APP: variants seen among roughly 807,000 people sequenced by gnomAD.
APP encodes the protein amyloid beta precursor protein, also known as amyloid-beta precursor protein.
Under a neutral mutation model 101.4 loss-of-function variants are expected in APP, and 31 were observed. That is an observed-to-expected ratio of 0.31 (90% CI 0.23 to 0.41). The LOEUF (loss-of-function observed/expected upper bound fraction) is 0.41, where lower values mean the gene tolerates loss of function less well. APP is among the 10% of genes least tolerant of loss of function. APP has a pLI of 1.00. For missense variants in APP, 839 were observed against 1,003.7 expected, an observed-to-expected ratio of 0.84 and a Z score of 2.22; for synonymous variants, 366 against 364.4, an observed-to-expected ratio of 1.00 and a Z score of -0.05.
chr21:26,090,095 T>A, intron 2 of APP, 23 bp from the exon 3 acceptor site: 1 of 1,613,726 alleles, frequency 6.2e-7, no homozygotes, highest in Non-Finnish European at 8.5e-7. Context: ...ACAAAAAGAA[T>A]CAATTGTTAC....
At chr21:26,098,436 A>T (rs1198525629) in intron 2 of APP, among the ~76,000 whole-genome samples, 3 of 152,168 alleles carry the variant, frequency 2.0e-5, no homozygotes, top group African/African-American at 7.2e-5. Flanking sequence ...AGCCAAGAAG[A>T]GAAATGTATA....
intron 6 of APP, among the ~76,000 whole-genome samples, chr21:26,009,240 C>T (rs1219930792): frequency 6.6e-6 from 1 of 152,160 alleles, no homozygotes; most frequent in Non-Finnish European, 1.5e-5. Context: ...AAGACAGATA[C>T]AACAAAATTA....
chr21:26,168,966 T>C (rs1405826377), intron 1 of APP, among the ~76,000 whole-genome samples: 2 of 152,122 alleles, frequency 1.3e-5, no homozygotes, highest in East Asian at 1.9e-4. Context: ...TGCCCGGAAA[T>C]TGCTTTTTTT....
At chr21:26,111,896 G>A in intron 2 of APP, 83 bp downstream of exon 2, 1 of 1,457,970 alleles carries the variant, frequency 6.9e-7, no homozygotes, top group Non-Finnish European at 9.6e-7. Context: ...TTAAAATACT[G>A]ATGCAAAATA....
chr21:25,900,984 T>G (rs1395408078), intron 15 of APP, among the ~76,000 whole-genome samples: 1 of 23,830 alleles, frequency 4.2e-5, no homozygotes, highest in African/African-American at 2.3e-4. Context: ...TGAGACTCCA[T>G]CTCAAAAAAA....
At chr21:26,161,892 T>G (rs960439804) in intron 1 of APP, among the ~76,000 whole-genome samples, 12 of 152,144 alleles carry the variant, frequency 7.9e-5, no homozygotes, top group African/African-American at 2.7e-4. Flanking sequence ...TTTTAAAGGC[T>G]TAATCTTTGA....
chr21:25,992,109 G>A (rs539414277), intron 8 of APP, among the ~76,000 whole-genome samples: 21 of 152,348 alleles, frequency 1.4e-4, no homozygotes, highest in Middle Eastern at 3.4e-3. Flanking sequence ...TAGGCCAAGC[G>A]TGGTGGCTCA....
chr21:25,941,303 C>G (rs1197979674), intron 13 of APP: 2 of 152,166 alleles, frequency 1.3e-5, no homozygotes, highest in Non-Finnish European at 2.9e-5. Flanking sequence ...TTTTGTCTGT[C>G]TCAGGTTATT....
At chr21:26,021,045 T>C (rs915681632) in intron 6 of APP, among the ~76,000 whole-genome samples, 4 of 124,728 alleles carry the variant, frequency 3.2e-5, no homozygotes, top group African/African-American at 1.2e-4. Context: ...ACTCACCAAA[T>C]CTTTTTTTTT....
intron 5 of APP, among the ~76,000 whole-genome samples, chr21:26,026,152 T>C (rs776650683): frequency 2.0e-5 from 3 of 152,208 alleles, no homozygotes; most frequent in Non-Finnish European, 2.9e-5. Flanking sequence ...ACAATTTCCT[T>C]ACAAACAATC....
At position 26,089,935 on chromosome 21, in the gene APP, C is replaced by A. The variant is rs373981310; in HGVS notation, c.355+8G>T. The A allele has an allele frequency of 5.6e-6, 9 of 1,613,808 alleles. No individual in the cohort carries two copies. Among genetic ancestry groups the A allele is most frequent in the Middle Eastern group, 1.6e-4 (1 of 6,082 alleles). On this transcript the variant is annotated splice_region_variant and intron_variant, in intron 3 of 17. Coordinates refer to ENST00000346798, the MANE Select transcript of APP (RefSeq NM_000484.4). ...AATCAACACCAGCCCCACGGCCGGC[C>A]GGCTCACCTAAGCAGCGGTAGGGAA...
chr21:26,067,779 G>A (rs1311680236), intron 3 of APP, among the ~76,000 whole-genome samples: 1 of 152,066 alleles, frequency 6.6e-6, no homozygotes, highest in Non-Finnish European at 1.5e-5. Context: ...GCTTAGTTCA[G>A]TCCTCTGTAT....
intron 16 of APP, among the ~76,000 whole-genome samples, chr21:25,894,413 G>A (rs2037896433): frequency 6.6e-6 from 1 of 152,130 alleles, no homozygotes; most frequent in South Asian, 2.1e-4. Context: ...TTCTAAAAAG[G>A]ATTCACCATT....
chr21:26,039,451 T>C (rs1360836826), intron 5 of APP, among the ~76,000 whole-genome samples: 1 of 152,252 alleles, frequency 6.6e-6, no homozygotes, highest in Non-Finnish European at 1.5e-5. Context: ...TTATGTATAC[T>C]GCTTGAATTA....
At position 25,897,579 on chromosome 21, in the gene APP, T is replaced by C. The variant is rs1452214524; in HGVS notation, c.2058A>G (p.Gln686=). Residue 686 remains glutamine, a synonymous_variant, in exon 16 of 18, where the codon CAA becomes CAG. Coordinates refer to ENST00000346798, the MANE Select transcript of APP (RefSeq NM_000484.4). ...GGTAAATTATTTTACGTACCAATTT[T>C]TGATGATGAACTTCATATCCTGAGT... ...RHDSGYEVHH[Q]KLVFFAEDVG... 1.9e-6 allele frequency: 3 copies of C among 1,611,622 alleles called. No homozygotes were observed. The highest frequency in any genetic ancestry group is 4.5e-5 in the East Asian group (2 of 44,860).
chr21:25,928,563 C>G (rs575716411), intron 13 of APP, among the ~76,000 whole-genome samples: 194 of 152,210 alleles, frequency 1.3e-3, no homozygotes, highest in Non-Finnish European at 1.2e-3. Context: ...TAGAACTTTT[C>G]TAAGTCTCCA....
chr21:26,091,772 GA>G (rs2061831559), intron 2 of APP, among the ~76,000 whole-genome samples: 1 of 151,994 alleles, frequency 6.6e-6, no homozygotes, highest in African/African-American at 2.4e-5. Context: ...AAATGAAGAG[GA>G]AAAGAGGAAA....
chr21:26,022,182 TC>T, intron 5 of APP, 140 bp from the exon 6 acceptor site: 1 of 1,071,462 alleles, frequency 9.3e-7, no homozygotes, highest in Non-Finnish European at 1.4e-6. Flanking sequence ...TAAGTATAAA[TC>T]CCAGCTCAGT....
At chr21:25,996,775 C>G (rs1300956836) in intron 8 of APP, among the ~76,000 whole-genome samples, 1 of 152,238 alleles carries the variant, frequency 6.6e-6, no homozygotes, top group African/African-American at 2.4e-5. Context: ...ACTTACCGAA[C>G]TGGATAATAA....
Sources: allele counts gnomAD v4.1 joint callset (sites outside exome capture counted in the v4.1 genomes callset), GRCh38; gene constraint gnomAD v4.1.1; transcripts MANE v1.5; gene names NCBI Gene and HGNC (gene_info 2026-07-23, HGNC 2026-07-21).